NFU1: variants seen among roughly 807,000 people sequenced by gnomAD.
NFU1 encodes NFU1 iron-sulfur cluster scaffold, also known as NFU1 iron-sulfur cluster scaffold homolog, mitochondrial.
A neutral mutation model predicts 32.2 loss-of-function variants in NFU1; 30 were observed. The observed-to-expected ratio is 0.93, with a 90% CI of 0.70 to 1.26. NFU1 has a LOEUF of 1.26. Among genes scored for constraint, NFU1 ranks in the 50% most tolerant of loss-of-function variants. The probability of loss-of-function intolerance (pLI) is 0.00; values close to 1 mark genes in which losing one functional copy is unlikely to be tolerated. For synonymous variants in NFU1, 112 were observed against 104.6 expected, an observed-to-expected ratio of 1.07 and a Z score of -0.43; for missense variants, 306 against 306.6, an observed-to-expected ratio of 1.00 and a Z score of 0.02.
chr2:69,396,676 A>C (rs1162012802), intron 7 of NFU1, among the ~76,000 whole-genome samples: 1 of 152,168 alleles, frequency 6.6e-6, no homozygotes. Flanking sequence ...AATAAAATAA[A>C]AGCAAATTAA....
chr2:69,401,593 A>G (rs1475709653), intron 6 of NFU1, among the ~76,000 whole-genome samples: 3 of 152,220 alleles, frequency 2.0e-5, no homozygotes, highest in Middle Eastern at 3.2e-3. Context: ...GTCTTTTGGT[A>G]TGCATATATA....
At chr2:69,402,904 C>T (rs1329756987) in intron 6 of NFU1, among the ~76,000 whole-genome samples, 2 of 151,274 alleles carry the variant, frequency 1.3e-5, no homozygotes, top group South Asian at 2.1e-4. Flanking sequence ...TCTTGTGTCC[C>T]GTTGGGGAAA....
intron 7 of NFU1, 110 bp from the exon 8 acceptor site, chr2:69,396,400 G>T (rs1574103679): frequency 2.8e-6 from 2 of 718,898 alleles, no homozygotes; most frequent in Admixed American, 2.5e-5. Context: ...AATGAGGCAT[G>T]ACAAGCCAGT....
In NFU1 at chr2:69,415,316, G is replaced by C. The variant is rs1481251409; in HGVS notation, c.370-17C>G. 9 of 1,461,016 alleles carry C rather than the reference G, an allele frequency of 6.2e-6. No individual in the cohort carries two copies. The highest frequency in any genetic ancestry group is 4.2e-5 in the African/African-American group (3 of 71,668). The allele number at this position is 1,461,016 out of a possible 1,614,324, so 90.5% of individuals were successfully genotyped here. ...TTCATTTTCCTATAAACATTTAAAG[G>C]AAAATGCTGTATTTCCAGGCAACGG... On this transcript the variant is annotated splice_polypyrimidine_tract_variant and intron_variant, in intron 4 of 7. Coordinates refer to ENST00000410022, the MANE Select transcript of NFU1 (RefSeq NM_001002755.4).
chr2:69,433,944 T>G (rs1319891580), intron 1 of NFU1, among the ~76,000 whole-genome samples: 10 of 150,670 alleles, frequency 6.6e-5, no homozygotes, highest in Non-Finnish European at 1.5e-4. Context: ...CAGCTAGTTT[T>G]TTTTTTTTTT....
intron 5 of NFU1, among the ~76,000 whole-genome samples, chr2:69,408,692 C>A (rs1672778512): frequency 2.7e-5 from 2 of 73,990 alleles, no homozygotes; most frequent in African/African-American, 1.3e-4. Flanking sequence ...TGCACTCCAG[C>A]CTGGGTGACA....
chr2:69,427,534 G>A (rs1673501489), intron 2 of NFU1, among the ~76,000 whole-genome samples: 1 of 151,400 alleles, frequency 6.6e-6, no homozygotes, highest in Non-Finnish European at 1.5e-5. Flanking sequence ...ACAAACGTCA[G>A]CCAGGCGTGG....
rs1356730316 is a variant in NFU1 at position 69,423,485 on chromosome 2, C to T, written c.302+97G>A. 1.4e-5 allele frequency: 15 copies of T among 1,096,878 alleles called. No homozygotes were observed. In the Middle Eastern group the frequency reaches 1.8e-3, roughly 132 times the overall value. 67.9% of individuals were successfully genotyped at this position (1,096,878 alleles called of 1,614,324 possible). The stretch of plus-strand genomic sequence containing the variant: ...TCTACACTTAAAAAAAAATGCAGTG[C>T]ACATAGAAATGCAATAGTTAAACAG... On this transcript the variant is annotated intron_variant, in intron 3 of 7. Transcript: ENST00000410022.
At chr2:69,405,768 A>G (rs903263869) in intron 6 of NFU1, among the ~76,000 whole-genome samples, 2 of 152,166 alleles carry the variant, frequency 1.3e-5, no homozygotes, top group Non-Finnish European at 2.9e-5. Context: ...AACAATATCA[A>G]ATCTAAATTG....
At chr2:69,406,826 G>A (rs1216170395) in intron 5 of NFU1, among the ~76,000 whole-genome samples, 1 of 152,132 alleles carries the variant, frequency 6.6e-6, no homozygotes, top group Non-Finnish European at 1.5e-5. Flanking sequence ...TTGAACTTCA[G>A]TTCCCATAAT....
At chr2:69,400,328 GAAAAAAAT>G (rs1672479452) in intron 7 of NFU1, 28 bp downstream of exon 7, 2 of 1,586,828 alleles carry the variant, frequency 1.3e-6, no homozygotes, top group Non-Finnish European at 1.7e-6. Context: ...AAGAAAAAAT[GAAAAAAAT>G]CTAGACTGTC....
At chr2:69,426,972 G>C (rs1294859501) in intron 2 of NFU1, among the ~76,000 whole-genome samples, 4 of 151,470 alleles carry the variant, frequency 2.6e-5, no homozygotes, top group African/African-American at 9.7e-5. Context: ...AGGAAGCTGA[G>C]GCAGGAGAAT....
At chr2:69,415,894 AG>A (rs1228347151) in intron 4 of NFU1, among the ~76,000 whole-genome samples, 4 of 152,144 alleles carry the variant, frequency 2.6e-5, no homozygotes, top group African/African-American at 9.7e-5. Context: ...TGGGAAGCTG[AG>A]GCAAGAGGAT....
chr2:69,425,807 T>C (rs942784492), intron 2 of NFU1, among the ~76,000 whole-genome samples: 1 of 152,090 alleles, frequency 6.6e-6, no homozygotes, highest in African/African-American at 2.4e-5. Flanking sequence ...CATGTATTTA[T>C]GCCTTTAACA....
chr2:69,437,538 G>A, upstream of NFU1: 3 of 1,339,494 alleles, frequency 2.2e-6, no homozygotes, highest in Non-Finnish European at 3.1e-6. Flanking sequence ...GGCTGCGGGC[G>A]GTCCTGCTGC....
chr2:69,399,360 T>C (rs1006482598), intron 7 of NFU1: 1 of 456,150 alleles, frequency 2.2e-6, no homozygotes, highest in Admixed American at 2.4e-5. Context: ...TTATTACTGA[T>C]GACAAGGTGC....
intron 3 of NFU1, among the ~76,000 whole-genome samples, chr2:69,423,236 CTGTG>C (rs139739707): frequency 0.27 from 22,741 of 82,702 alleles, 3,090 homozygotes; most frequent in African/African-American, 0.4. Context: ...GATGGGCTCT[CTGTG>C]TGAGTGTGTG....
intron 5 of NFU1, among the ~76,000 whole-genome samples, chr2:69,406,381 T>C (rs1258111710): frequency 2.0e-5 from 3 of 152,182 alleles, no homozygotes; most frequent in South Asian, 2.1e-4. Context: ...CCAGTAAATA[T>C]GCAGACATTC....
At chr2:69,428,232 C>T (rs1467828518) in intron 2 of NFU1, among the ~76,000 whole-genome samples, 1 of 152,004 alleles carries the variant, frequency 6.6e-6, no homozygotes. Flanking sequence ...CGAGAACAGC[C>T]TGGTCAACAT....
Sources: allele counts gnomAD v4.1 joint callset (sites outside exome capture counted in the v4.1 genomes callset), GRCh38; gene constraint gnomAD v4.1.1; transcripts MANE v1.5; gene names NCBI Gene and HGNC (gene_info 2026-07-23, HGNC 2026-07-21).